MATN4: variants seen among roughly 807,000 people sequenced by gnomAD.
MATN4 encodes the protein matrilin 4.
Under a neutral mutation model 54.6 loss-of-function variants are expected in MATN4, and 40 were observed. That is an observed-to-expected ratio of 0.73 (90% CI 0.57 to 0.95). The LOEUF (loss-of-function observed/expected upper bound fraction) is 0.95, where lower values mean the gene tolerates loss of function less well. Ranked by LOEUF, MATN4 falls within the 40% of genes least tolerant of loss-of-function variation. MATN4 has a pLI of 0.00. For missense variants in MATN4, 810 were observed against 819.1 expected, an observed-to-expected ratio of 0.99 and a Z score of 0.13; for synonymous variants, 351 against 345.3, an observed-to-expected ratio of 1.02 and a Z score of -0.18.
chr20:45,304,790 C>G lies in MATN4; in HGVS notation c.81G>C (p.Arg27Ser). The stretch of plus-strand genomic sequence containing the variant: ...CCAGATCCAGGGGCCCAGTGTGACA[C>G]CTGGGACCTGCGGGGAGATCAGGGA... ...WETQLQLTGP[R>S]CHTGPLDLVF... The change falls in exon 3 of 10, where the codon AGG becomes AGC. Residue 27 changes from arginine to serine, a missense_variant. Coordinates refer to ENST00000372756, the MANE Select transcript of MATN4 (RefSeq NM_001393530.1). 6.3e-7 allele frequency: 1 copy of G among 1,576,416 alleles called. No individual in the cohort carries two copies. Among genetic ancestry groups the G allele is most frequent in the South Asian group, 1.1e-5 (1 of 88,376 alleles).
At position 45,301,091 on chromosome 20, in the gene MATN4, G is replaced by A; in HGVS notation, c.889+11C>T. Reference sequence around the variant, plus strand: ...TTACCCCTCCCACAAATGTAGGAGAGCCCTCCTCACCCTGACAGCTCCTCC... The same window carrying A: ...TTACCCCTCCCACAAATGTAGGAGAACCCTCCTCACCCTGACAGCTCCTCC... On this transcript the variant is annotated intron_variant, in intron 5 of 9. Coordinates refer to ENST00000372756, the MANE Select transcript of MATN4 (RefSeq NM_001393530.1). The A allele has an allele frequency of 3.1e-6, 5 of 1,614,080 alleles. No individual in the cohort carries two copies. The highest frequency in any genetic ancestry group is 4.2e-6 in the Non-Finnish European group (5 of 1,180,006).
rs1344284002 is a variant in MATN4 at position 45,293,760 on chromosome 20, G to A, written c.*7C>T. 7.5e-6 allele frequency: 12 copies of A among 1,604,654 alleles called. No individual in the cohort carries two copies. In the South Asian group the frequency reaches 9.9e-5, roughly 13 times the overall value. ...GCCCCAGCCCGGGTCTGGGCCGTCC[G>A]TGGCCCTCACTTCTGGTTGGCCAGC... is the stretch of plus-strand genomic sequence containing the variant. On this transcript the variant is annotated 3_prime_UTR_variant, in exon 10 of 10. Transcript: ENST00000372756.
intron 1 of MATN4, chr20:45,306,931 C>A: frequency 1.6e-6 from 2 of 1,256,596 alleles, no homozygotes; most frequent in African/African-American, 3.1e-5. Context: ...CCATGGACCC[C>A]GCAGGGGCAG....
chr20:45,297,970 G>A lies in MATN4; in HGVS notation c.1527C>T (p.Asp509=), dbSNP rs780467616. Residue 509 remains aspartate (D), a synonymous_variant, in exon 8 of 10, where the codon GAC becomes GAT. Transcript: ENST00000372756. ...CCAGCAGGTGCGTCATGGTGCCGAA[G>A]TCCGGGGCATAGGACACGTGCAGTT... The part of the protein sequence containing the change: ...PAELHVSYAP[D]FGTMTHLLEN... 1 of 1,614,182 alleles carries A rather than the reference G, an allele frequency of 6.2e-7. No homozygotes were observed. The highest frequency in any genetic ancestry group is 1.1e-5 in the South Asian group (1 of 91,090).
In MATN4 at chr20:45,293,889, C is replaced by T; in HGVS notation, c.1687+19G>A. ...CCTTCACTTTCCCTCCAGCCCGCGC[C>T]ACCAGCCCCAAAGGATATGGTTCAG... On this transcript the variant is annotated intron_variant, in intron 9 of 9. Coordinates refer to ENST00000372756, the MANE Select transcript of MATN4 (RefSeq NM_001393530.1). 2 of 1,606,428 alleles carry T rather than the reference C, an allele frequency of 1.2e-6. No homozygotes were observed. Among genetic ancestry groups the T allele is most frequent in the Non-Finnish European group, 1.7e-6 (2 of 1,178,808 alleles).
At chr20:45,305,188 A>G (rs1314008638) in intron 2 of MATN4, among the ~76,000 whole-genome samples, 1 of 152,230 alleles carries the variant, frequency 6.6e-6, no homozygotes, top group South Asian at 2.1e-4. Context: ...GCCCCTGCGA[A>G]TTGGATGTCA....
rs747801061 is a variant in MATN4, at chr20:45,304,547, C to A, written c.324G>T (p.Ala108=). The A allele has an allele frequency of 6.3e-7, 1 of 1,596,680 alleles. No homozygotes were observed. Among genetic ancestry groups the A allele is most frequent in the Non-Finnish European group, 8.6e-7 (1 of 1,166,582 alleles). ...ERAIRDLVPL[A]QGTMTGLAIQ... Reference sequence around the variant, plus strand: ...TTGCCAGTCCCGTCATGGTGCCTTGCGCCAGAGGCACCAGGTCGCGGATGG... The same window carrying A: ...TTGCCAGTCCCGTCATGGTGCCTTGAGCCAGAGGCACCAGGTCGCGGATGG... Residue 108 remains alanine (A), a synonymous_variant, in exon 3 of 10, where the codon GCG becomes GCT. Coordinates refer to ENST00000372756, the MANE Select transcript of MATN4 (RefSeq NM_001393530.1).
At chr20:45,294,326 A>T (rs1048840802) in intron 8 of MATN4, among the ~76,000 whole-genome samples, 3 of 152,204 alleles carry the variant, frequency 2.0e-5, no homozygotes, top group Non-Finnish European at 2.9e-5. Flanking sequence ...TCAAACCTTA[A>T]TGCTCATTGG....
chr20:45,293,661 A>C lies in MATN4; in HGVS notation c.*106T>G. ...GCCAGCGCCTCCGCCCCGACAGCCC[A>C]AGCCGGACGGGCCCAGGTTCTGCCT... On this transcript the variant is annotated 3_prime_UTR_variant, in exon 10 of 10. Transcript: ENST00000372756. The C allele has an allele frequency of 9.0e-7, 1 of 1,115,922 alleles. No individual in the cohort carries two copies. The highest frequency in any genetic ancestry group is 1.7e-5 in the South Asian group (1 of 60,262). 69.1% of individuals were successfully genotyped at this position (1,115,922 alleles called of 1,614,324 possible).
Position 45,293,518 on chromosome 20 carries a change from CGCGGCGAGG to C in MATN4, c.*240_*248del, listed in dbSNP as rs986874735. The C allele has an allele frequency of 2.0e-5, 9 of 458,446 alleles. No homozygotes were observed. The highest frequency in any genetic ancestry group is 3.1e-5 in the Non-Finnish European group (8 of 262,108). The allele number at this position is 458,446 out of a possible 1,614,324, so 28.4% of individuals were successfully genotyped here. On this transcript the variant is annotated 3_prime_UTR_variant, in exon 10 of 10. Coordinates refer to ENST00000372756, the MANE Select transcript of MATN4 (RefSeq NM_001393530.1). ...ATCCAACAAAGAACTGAGCGCAGCA[CGCGGCGAGG>C]GCGTGCCGGTCTAGCACGTGCCCCT...
rs1203300522 is a variant in MATN4 at position 45,298,099 on chromosome 20, C to T, written c.1427-29G>A. ...CAAGGCCGGGGTCTCAGAGGGTGCC[C>T]CAGGCCTCGGGAAAGCTGCCTCCCA... On this transcript the variant is annotated intron_variant, in intron 7 of 9. Transcript: ENST00000372756. The surrounding 1 kb of genome is among the most constrained non-coding windows in gnomAD (Gnocchi z 4.6). 2 of 1,605,596 alleles carry T rather than the reference C, an allele frequency of 1.2e-6. No homozygotes were observed. The highest frequency in any genetic ancestry group is 2.7e-5 in the African/African-American group (2 of 74,772).
Position 45,298,183 on chromosome 20 carries a change from G to A in MATN4, c.1413C>T (p.Arg471=). Residue 471 remains arginine (R), a synonymous_variant, in exon 7 of 10, where the codon CGC becomes CGT. Transcript: ENST00000372756. The surrounding 1 kb of genome is among the most constrained non-coding windows in gnomAD (Gnocchi z 4.6). ...SQDDISVWAA[R]AKEEGIVMYA... ...TGCCAAGCCCACCTTCCTCCTTGGC[G>A]CGCGCTGCCCACACCGAGATGTCAT... is the stretch of plus-strand genomic sequence containing the variant. 1.3e-6 allele frequency: 2 copies of A among 1,597,612 alleles called. No individual in the cohort carries two copies. The highest frequency in any genetic ancestry group is 1.7e-4 in the Middle Eastern group (1 of 5,996).
rs763077386 is a variant in MATN4 at position 45,301,315 on chromosome 20, G to T, written c.766+6C>A. The T allele has an allele frequency of 1.2e-6, 2 of 1,614,034 alleles. No homozygotes were observed. The highest frequency in any genetic ancestry group is 1.7e-6 in the Non-Finnish European group (2 of 1,179,980). ...GGTGTGGTGGGAGGGTGGGGGTGTT[G>T]CTCACCCCTGCAGCTCCTCTGGTCC... is the stretch of plus-strand genomic sequence containing the variant. On this transcript the variant is annotated splice_donor_region_variant and intron_variant, in intron 4 of 9. Coordinates refer to ENST00000372756, the MANE Select transcript of MATN4 (RefSeq NM_001393530.1).
chr20:45,303,234 C>T (rs1162756845), intron 3 of MATN4, among the ~76,000 whole-genome samples: 1 of 152,094 alleles, frequency 6.6e-6, no homozygotes, highest in East Asian at 1.9e-4. Flanking sequence ...CTTATGTGAC[C>T]CCAGGCAATA....
chr20:45,304,199 A>C, intron 3 of MATN4, 29 bp downstream of exon 3: 1 of 1,456,178 alleles, frequency 6.9e-7, no homozygotes, highest in Non-Finnish European at 9.1e-7. Context: ...TGAGAGTTCG[A>C]GCTTCACTCC....
rs777133830 is a variant in MATN4, at chr20:45,298,417, C to A, written c.1179G>T (p.Val393=). The A allele has an allele frequency of 3.7e-6, 6 of 1,613,034 alleles. No homozygotes were observed. Among genetic ancestry groups the A allele is most frequent in the Non-Finnish European group, 5.1e-6 (6 of 1,179,700 alleles). The change falls in exon 7 of 10, where the codon GTG becomes GTT. Residue 393 remains valine, a synonymous_variant. Coordinates refer to ENST00000372756, the MANE Select transcript of MATN4 (RefSeq NM_001393530.1). This position sits in a 1 kb window ranked among gnomAD's most constrained non-coding sequence, Gnocchi z 4.6. The part of the protein sequence containing the change: ...RVGLVQFSSR[V]RTEFPLGRYG... ...AGCGACCCAGAGGGAACTCGGTGCGCACGCGGCTCGAGAACTGCACCAGCC... is the reference window on the plus strand; with the variant it reads ...AGCGACCCAGAGGGAACTCGGTGCGAACGCGGCTCGAGAACTGCACCAGCC...
At chr20:45,301,837 A>G (rs77289229) in intron 3 of MATN4, among the ~76,000 whole-genome samples, 2,680 of 150,622 alleles carry the variant, frequency 0.018, 59 homozygotes, top group South Asian at 0.09. Flanking sequence ...GGTTCCTGGA[A>G]AGGAGATGAG....
In MATN4 at chr20:45,298,066, G is replaced by A; in HGVS notation, c.1431C>T (p.Ile477=). ...VWAARAKEEG[I]VMYAVGVGKA... ...TGCCCACGCCCACGGCGTACATGAC[G>A]ATGCCTGCAAGGCCGGGGTCTCAGA... is the stretch of plus-strand genomic sequence containing the variant. Residue 477 remains isoleucine, a synonymous_variant, in exon 8 of 10, where the codon ATC becomes ATT. Coordinates refer to ENST00000372756, the MANE Select transcript of MATN4 (RefSeq NM_001393530.1). This position sits in a 1 kb window ranked among gnomAD's most constrained non-coding sequence, Gnocchi z 4.6. The A allele has an allele frequency of 1.2e-6, 2 of 1,612,764 alleles. No individual in the cohort carries two copies. The highest frequency in any genetic ancestry group is 2.2e-5 in the South Asian group (2 of 91,022).
chr20:45,293,653 G>A lies in MATN4; in HGVS notation c.*114C>T. 3.0e-6 allele frequency: 3 copies of A among 1,015,278 alleles called. No individual in the cohort carries two copies. The highest frequency in any genetic ancestry group is 4.1e-6 in the Non-Finnish European group (3 of 730,822). 62.9% of individuals were successfully genotyped at this position (1,015,278 alleles called of 1,614,324 possible). A position where few individuals can be genotyped will look rare whatever the true frequency, so the allele number is the denominator to read the frequency against. ...GGAAGCCCGCCAGCGCCTCCGCCCCGACAGCCCAAGCCGGACGGGCCCAGG... is the reference window on the plus strand; with the variant it reads ...GGAAGCCCGCCAGCGCCTCCGCCCCAACAGCCCAAGCCGGACGGGCCCAGG... On this transcript the variant is annotated 3_prime_UTR_variant, in exon 10 of 10. Transcript: ENST00000372756.
Sources: allele counts gnomAD v4.1 joint callset (sites outside exome capture counted in the v4.1 genomes callset), GRCh38; gene constraint gnomAD v4.1.1; non-coding constraint Gnocchi (gnomAD v3.1); transcripts MANE v1.5; gene names NCBI Gene and HGNC (gene_info 2026-07-23, HGNC 2026-07-21).